The following SLC36A2 variants were observed in gnomAD, a reference collection of about 807,000 sequenced individuals.
SLC36A2 encodes solute carrier family 36 member 2.
In SLC36A2, 39 loss-of-function variants were observed where a neutral mutation model predicts 42.7. The observed-to-expected ratio is 0.91, with a 90% CI of 0.71 to 1.19. The LOEUF (loss-of-function observed/expected upper bound fraction) is 1.19. Among genes scored for constraint, SLC36A2 ranks in the 50% most tolerant of loss-of-function variants. The pLI, the probability that SLC36A2 is intolerant of heterozygous loss-of-function variation, is 0.00. For missense variants in SLC36A2, 590 were observed against 613.7 expected, an observed-to-expected ratio of 0.96 and a Z score of 0.41; for synonymous variants, 237 against 240.8, an observed-to-expected ratio of 0.98 and a Z score of 0.15.
Position 151,325,418 on chromosome 5 carries a change from C to A in SLC36A2, c.878G>T (p.Arg293Leu). 6.2e-7 allele frequency: 1 copy of A among 1,613,990 alleles called. No individual in the cohort carries two copies. Among genetic ancestry groups the A allele is most frequent in the Non-Finnish European group, 8.5e-7 (1 of 1,179,954 alleles). ...CAAAGACAGGATGGCTGGGAAGTGG[C>A]GGGCATTCTTCATCTTGTTTTCCAG... ...LPLENKMKNA[R>L]HFPAILSLGM... Residue 293 changes from arginine (R) to leucine (L), a missense_variant, in exon 8 of 10, where the codon CGC (arginine) becomes CTC (leucine). Coordinates refer to ENST00000335244, the MANE Select transcript of SLC36A2 (RefSeq NM_181776.3).
Position 151,333,350 on chromosome 5 carries a change from A to G in SLC36A2, c.745-28T>C, listed in dbSNP as rs771806358. On this transcript the variant is annotated intron_variant, in intron 6 of 9. Coordinates refer to ENST00000335244, the MANE Select transcript of SLC36A2 (RefSeq NM_181776.3). ...AAAGAAGAAAGAAATGCTATGAGAC[A>G]GTCACTCTTAAAGCACATTTGAGCT... 5.7e-6 allele frequency: 9 copies of G among 1,584,186 alleles called. No individual in the cohort carries two copies. In the East Asian group the frequency reaches 1.8e-4, roughly 31 times the overall value.
chr5:151,343,578 C>A lies in SLC36A2; in HGVS notation c.276G>T (p.Leu92=), dbSNP rs745442485. The part of the protein sequence containing the change: ...AGILMGPLSL[L]VMGFIACHCM... ...AGTGGCAGGCAATGAAGCCCATCAC[C>A]AGCAGACTGAGTGGGCCCATCTGGA... The change falls in exon 3 of 10, where the codon CTG becomes CTT. Residue 92 remains leucine (L), a synonymous_variant. Transcript: ENST00000335244. 6.2e-7 allele frequency: 1 copy of A among 1,614,054 alleles called. No individual in the cohort carries two copies. The highest frequency in any genetic ancestry group is 8.5e-7 in the Non-Finnish European group (1 of 1,180,028).
intron 4 of SLC36A2, among the ~76,000 whole-genome samples, chr5:151,342,019 C>T (rs1756360327): frequency 6.6e-6 from 1 of 152,208 alleles, no homozygotes; most frequent in South Asian, 2.1e-4. Context: ...CCTCATGGAT[C>T]TGACTAAATC....
In SLC36A2 at chr5:151,347,542, T is replaced by C. The variant is rs911387903; in HGVS notation, c.-82A>G. On this transcript the variant is annotated 5_prime_UTR_variant, in exon 1 of 10. Transcript: ENST00000335244. Reference sequence around the variant, plus strand: ...GAAGCAGGAAGGTGTCTAGTGTAGATGTACACCCCAGCACAGTGGTGTGTG... The same window carrying C: ...GAAGCAGGAAGGTGTCTAGTGTAGACGTACACCCCAGCACAGTGGTGTGTG... 21 of 1,549,682 alleles carry C rather than the reference T, an allele frequency of 1.4e-5. No homozygotes were observed. The highest frequency in any genetic ancestry group is 4.1e-5 in the African/African-American group (3 of 73,610).
chr5:151,324,259 C>A (rs1035231918), intron 8 of SLC36A2, among the ~76,000 whole-genome samples: 1 of 152,166 alleles, frequency 6.6e-6, no homozygotes, highest in African/African-American at 2.4e-5. Context: ...TCTCCTGCCT[C>A]AGCCTCCTGA....
chr5:151,343,018 A>T, intron 3 of SLC36A2, 35 bp from the exon 4 acceptor site: 2 of 1,559,990 alleles, frequency 1.3e-6, no homozygotes, highest in Non-Finnish European at 1.8e-6. Context: ...TTTCCAAGAG[A>T]TAGTTTAGCC....
chr5:151,335,729 C>T (rs191154129), intron 5 of SLC36A2, among the ~76,000 whole-genome samples, 182 bp from the exon 6 acceptor site: 6 of 152,242 alleles, frequency 3.9e-5, no homozygotes, highest in African/African-American at 1.4e-4. Flanking sequence ...ACCATACTAC[C>T]TCAGAAGAGG....
chr5:151,339,088 A>G lies in SLC36A2; in HGVS notation c.497T>C (p.Ile166Thr), dbSNP rs1162667876. 2.7e-5 allele frequency: 44 copies of G among 1,610,084 alleles called. No homozygotes were observed. The highest frequency in any genetic ancestry group is 6.6e-5 in the South Asian group (6 of 91,022). Reference sequence around the variant, plus strand: ...TTTTAAATTATCAGCCAAAAACACAATGTACACACAGCAGAAGCCAAGTTG... The same window carrying G: ...TTTTAAATTATCAGCCAAAAACACAGTGTACACACAGCAGAAGCCAAGTTG... ...ITQLGFCCVY[I>T]VFLADNLKQV... The change falls in exon 5 of 10, where the codon ATT becomes ACT. Residue 166 changes from isoleucine to threonine, a missense_variant. Transcript: ENST00000335244.
At chr5:151,321,015 G>T (rs1249556985) in intron 9 of SLC36A2, among the ~76,000 whole-genome samples, 1 of 152,122 alleles carries the variant, frequency 6.6e-6, no homozygotes, top group African/African-American at 2.4e-5. Flanking sequence ...ATAAAGTAGG[G>T]TTTATCATAG....
At chr5:151,324,066 G>A (rs1755781480) in intron 8 of SLC36A2, among the ~76,000 whole-genome samples, 1 of 152,148 alleles carries the variant, frequency 6.6e-6, no homozygotes, top group South Asian at 2.1e-4. Flanking sequence ...ATGTCTATGG[G>A]GCTGCTAACT....
At chr5:151,334,541 A>G (rs1192628005) in intron 6 of SLC36A2, among the ~76,000 whole-genome samples, 1 of 152,032 alleles carries the variant, frequency 6.6e-6, no homozygotes, top group Non-Finnish European at 1.5e-5. Flanking sequence ...AAATACAAAA[A>G]TTAGCCGGGT....
At chr5:151,325,534 C>T (rs1043362207) in intron 7 of SLC36A2, 82 bp from the exon 8 acceptor site, 36 of 1,407,942 alleles carry the variant, frequency 2.6e-5, no homozygotes, top group Non-Finnish European at 3.3e-5. Flanking sequence ...GGATGTCTAC[C>T]CCAAAGAACT....
rs574904105 is a variant in SLC36A2, at chr5:151,316,506, C to T, written c.*311G>A. ...CTGTGATCCCAGCATTTTGGGAGGC[C>T]GGGGTGGGTGGATCACCTGAGGTCG... On this transcript the variant is annotated 3_prime_UTR_variant, in exon 10 of 10. Coordinates refer to ENST00000335244, the MANE Select transcript of SLC36A2 (RefSeq NM_181776.3). 36 of 316,522 alleles carry T rather than the reference C, an allele frequency of 1.1e-4. No homozygotes were observed. Among genetic ancestry groups the T allele is most frequent in the South Asian group, 6.9e-4 (21 of 30,548 alleles). 19.6% of individuals were successfully genotyped at this position (316,522 alleles called of 1,614,324 possible).
chr5:151,333,077 A>G, intron 7 of SLC36A2, 147 bp downstream of exon 7: 1 of 723,110 alleles, frequency 1.4e-6, no homozygotes, highest in Non-Finnish European at 2.5e-6. Context: ...TGTCCCAAGT[A>G]AGGCCAGAGG....
chr5:151,322,296 T>C, intron 8 of SLC36A2, 81 bp from the exon 9 acceptor site: 1 of 1,522,132 alleles, frequency 6.6e-7, no homozygotes, highest in Admixed American at 1.9e-5. Flanking sequence ...CCTCTGACCT[T>C]GGGACAATGA....
rs894482772 is a variant in SLC36A2, at chr5:151,315,273, T to G, written c.*1544A>C. The G allele has an allele frequency of 2.6e-5, 4 of 152,796 alleles. No individual in the cohort carries two copies. In the South Asian group the frequency reaches 6.2e-4, roughly 24 times the overall value. The allele number at this position is 152,796 out of a possible 1,614,324, so 9.5% of individuals were successfully genotyped here. On this transcript the variant is annotated 3_prime_UTR_variant, in exon 10 of 10. Transcript: ENST00000335244. ...GATGCATAGGTTATTACCAAACCTC[T>G]GACTGCATCACATTTACTAATGTCC...
chr5:151,344,019 C>T (rs944435228), intron 2 of SLC36A2, among the ~76,000 whole-genome samples, 158 bp downstream of exon 2: 7 of 152,240 alleles, frequency 4.6e-5, no homozygotes, highest in Middle Eastern at 3.4e-3. Flanking sequence ...GTGGCAGAGC[C>T]GGAACTCAAA....
chr5:151,333,919 T>C (rs1756073096), intron 6 of SLC36A2, among the ~76,000 whole-genome samples: 1 of 152,162 alleles, frequency 6.6e-6, no homozygotes, highest in African/African-American at 2.4e-5. Flanking sequence ...ACGAACACCT[T>C]TGAATGGACA....
In SLC36A2 at chr5:151,315,760, A is replaced by G. The variant is rs562790292; in HGVS notation, c.*1057T>C. On this transcript the variant is annotated 3_prime_UTR_variant, in exon 10 of 10. Transcript: ENST00000335244. ...AGGAATTTATGGTCATTTTTGCAATATTCTACAAAATCTTGTTTGGCACAC... is the reference window on the plus strand; with the variant it reads ...AGGAATTTATGGTCATTTTTGCAATGTTCTACAAAATCTTGTTTGGCACAC... 6.6e-6 allele frequency: 1 copy of G among 152,362 alleles called. No homozygotes were observed. The highest frequency in any genetic ancestry group is 1.9e-4 in the East Asian group (1 of 5,188). The allele number at this position is 152,362 out of a possible 1,614,324, so 9.4% of individuals were successfully genotyped here.
Sources: gnomAD v4.1 joint callset for allele counts (sites outside exome capture counted in the v4.1 genomes callset) on GRCh38, gnomAD v4.1.1 for gene constraint, MANE v1.5 for transcripts, NCBI Gene and HGNC (gene_info 2026-07-23, HGNC 2026-07-21) for gene names.